The following UNC5D variants were observed in gnomAD, a reference collection of about 807,000 sequenced individuals.
The protein encoded by UNC5D is netrin receptor UNC5D.
In UNC5D, 39 loss-of-function variants were observed where a neutral mutation model predicts 105.4. The observed-to-expected ratio is 0.37, with a 90% confidence interval of 0.29 to 0.48. The LOEUF is 0.48. Ranked by LOEUF, UNC5D falls within the 20% of genes least tolerant of loss-of-function variation. The pLI is 0.98. For missense variants in UNC5D, 991 were observed against 1,202.4 expected (o/e 0.82, Z 2.60); for synonymous variants, 452 against 450.4 (o/e 1.00, Z -0.04).
chr8:35,551,624 C>G (rs975080597), intron 2 of UNC5D, among the ~76,000 whole-genome samples: 6 of 151,950 alleles, frequency 3.9e-5, no homozygotes, highest in Admixed American at 3.3e-4. Flanking sequence ...TTGAGCCCAG[C>G]CTGGCCAATA....
At chr8:35,384,329 G>A (rs977680353) in intron 1 of UNC5D, among the ~76,000 whole-genome samples, 1 of 152,040 alleles carries the variant, frequency 6.6e-6, no homozygotes, top group Non-Finnish European at 1.5e-5. Flanking sequence ...TGCACCTAGG[G>A]GCTCAATGTG....
At chr8:35,519,095 CT>C (rs1027332828) in intron 1 of UNC5D, among the ~76,000 whole-genome samples, 4 of 151,946 alleles carry the variant, frequency 2.6e-5, no homozygotes, top group Non-Finnish European at 4.4e-5. Context: ...ATTTAAAGTA[CT>C]TTTTTTTCCT....
At chr8:35,407,332 C>T (rs1243173211) in intron 1 of UNC5D, among the ~76,000 whole-genome samples, 1 of 151,654 alleles carries the variant, frequency 6.6e-6, no homozygotes, top group African/African-American at 2.4e-5. Flanking sequence ...ACTGTATATA[C>T]ATATTAGTAT....
At chr8:35,253,033 T>C (rs1803817895) in intron 1 of UNC5D, among the ~76,000 whole-genome samples, 1 of 152,158 alleles carries the variant, frequency 6.6e-6, no homozygotes, top group Non-Finnish European at 1.5e-5. Flanking sequence ...AAGTACCTAC[T>C]CATGGCTTTT....
intron 1 of UNC5D, among the ~76,000 whole-genome samples, chr8:35,433,851 A>C (rs1342980015): frequency 6.6e-6 from 1 of 151,092 alleles, no homozygotes; most frequent in Non-Finnish European, 1.5e-5. Flanking sequence ...CTGTCTCAAA[A>C]AAAAAAAAAA....
intron 1 of UNC5D, among the ~76,000 whole-genome samples, chr8:35,253,662 A>AT (rs1177053226): frequency 1.3e-5 from 2 of 149,896 alleles, no homozygotes; most frequent in Non-Finnish European, 3.0e-5. Context: ...AATTTTTTGT[A>AT]TTTTTTTTAG....
Position 35,393,539 on chromosome 8 carries a change from A to C in UNC5D, c.104-155753A>C, listed in dbSNP as rs568879819. Among the ~76,000 whole-genome samples, 274 of 152,260 alleles carry C rather than the reference A, an allele frequency of 1.8e-3. 1 individual carries two copies. Among genetic ancestry groups the C allele is most frequent in the Non-Finnish European group, 2.9e-3 (200 of 68,016 alleles). ...ACTTGTATTTGAGTTTTTATATCTCACTGTCATGTAGATCATTCTCAGTAA... is the reference window on the plus strand; with the variant it reads ...ACTTGTATTTGAGTTTTTATATCTCCCTGTCATGTAGATCATTCTCAGTAA... On this transcript the variant is annotated intron_variant, in intron 1 of 16. Transcript: ENST00000404895.
At chr8:35,718,097 CTTT>C (rs57590798) in intron 8 of UNC5D, among the ~76,000 whole-genome samples, 4 of 143,312 alleles carry the variant, frequency 2.8e-5, no homozygotes, top group South Asian at 4.4e-4. Flanking sequence ...GGTTTGGGGG[CTTT>C]TTTTTTTTTA....
intron 1 of UNC5D, among the ~76,000 whole-genome samples, chr8:35,303,290 A>G (rs1467958673): frequency 6.6e-6 from 1 of 152,170 alleles, no homozygotes. Flanking sequence ...CAACATGCCT[A>G]AAAGTTTTTC....
intron 1 of UNC5D, among the ~76,000 whole-genome samples, chr8:35,377,928 C>A (rs1387305824): frequency 2.0e-5 from 3 of 152,148 alleles, no homozygotes; most frequent in African/African-American, 4.8e-5. Flanking sequence ...ATCCTTCATT[C>A]TCTCACCATA....
intron 11 of UNC5D, among the ~76,000 whole-genome samples, chr8:35,732,232 T>A (rs977748952): frequency 6.6e-6 from 1 of 152,180 alleles, no homozygotes; most frequent in African/African-American, 2.4e-5. Context: ...TATAAAAGGA[T>A]TTGTTGGTAC....
chr8:35,691,859 A>G (rs1392172626), intron 7 of UNC5D, among the ~76,000 whole-genome samples: 1 of 152,186 alleles, frequency 6.6e-6, no homozygotes, highest in Non-Finnish European at 1.5e-5. Flanking sequence ...ATCCTGAGGA[A>G]TAAGAGAAGC....
At chr8:35,281,263 G>T (rs1210166229) in intron 1 of UNC5D, among the ~76,000 whole-genome samples, 1 of 151,998 alleles carries the variant, frequency 6.6e-6, no homozygotes, top group Non-Finnish European at 1.5e-5. Flanking sequence ...CTCCTGCCCT[G>T]GTTCAAAGAA....
intron 4 of UNC5D, among the ~76,000 whole-genome samples, chr8:35,611,972 C>T (rs1364402956): frequency 2.6e-5 from 4 of 152,196 alleles, no homozygotes; most frequent in Non-Finnish European, 4.4e-5. Context: ...ATGGTTATCG[C>T]TGTTAATACA....
At chr8:35,259,281 G>A (rs1804283439) in intron 1 of UNC5D, among the ~76,000 whole-genome samples, 1 of 152,194 alleles carries the variant, frequency 6.6e-6, no homozygotes, top group Admixed American at 6.5e-5. Context: ...GGGAGAGGAG[G>A]TGGTTGGCAG....
Position 35,791,373 on chromosome 8 carries a change from T to G in UNC5D, c.*810T>G, listed in dbSNP as rs1803033908. ...TCTATTCCCATCTAAGCCACTCAAA[T>G]TGCTGAGTGCTATTAGAACACAGCT... On this transcript the variant is annotated 3_prime_UTR_variant, in exon 17 of 17. Transcript: ENST00000404895. The G allele has an allele frequency of 6.6e-6, 1 of 152,210 alleles. No individual in the cohort carries two copies. The highest frequency in any genetic ancestry group is 6.5e-5 in the Admixed American group (1 of 15,272). The allele number at this position is 152,210 out of a possible 1,614,324, so 9.4% of individuals were successfully genotyped here. A position where few individuals can be genotyped will look rare whatever the true frequency, so the allele number is the denominator to read the frequency against.
intron 3 of UNC5D, among the ~76,000 whole-genome samples, chr8:35,593,913 T>A (rs1819332408): frequency 6.6e-6 from 1 of 152,140 alleles, no homozygotes; most frequent in South Asian, 2.1e-4. Flanking sequence ...GACCCAAAGA[T>A]CCCTTGTGAG....
chr8:35,252,458 A>C (rs1803772335), intron 1 of UNC5D, among the ~76,000 whole-genome samples: 2 of 152,070 alleles, frequency 1.3e-5, no homozygotes, highest in South Asian at 4.1e-4. Flanking sequence ...ATATGTGTGT[A>C]CTCCTAAACA....
chr8:35,707,072 A>G (rs1379283561), intron 8 of UNC5D, among the ~76,000 whole-genome samples: 1 of 152,132 alleles, frequency 6.6e-6, no homozygotes, highest in East Asian at 1.9e-4. Flanking sequence ...ATGACTTTTG[A>G]TCTTTTAAAT....
Sources: allele counts gnomAD v4.1 joint callset (sites outside exome capture counted in the v4.1 genomes callset), GRCh38; gene constraint gnomAD v4.1.1; transcripts MANE v1.5; gene names NCBI Gene and HGNC (gene_info 2026-07-23, HGNC 2026-07-21).